Variants in FSTL5 observed in about 807,000 individuals in gnomAD.
The protein encoded by FSTL5 is follistatin-related protein 5.
FSTL5 carries 62 observed loss-of-function variants against 89.1 expected under a neutral mutation model. That is an observed-to-expected ratio of 0.70 (90% confidence interval 0.57 to 0.86). FSTL5 has a LOEUF of 0.86. Ranked by LOEUF, FSTL5 falls within the 40% of genes least tolerant of loss-of-function variation. The pLI is 0.00. For synonymous variants in FSTL5, 383 were observed against 346.2 expected (o/e 1.11, Z -1.18); for missense variants, 1,057 against 1,001.6 (o/e 1.06, Z -0.75).
chr4:162,077,912 C>T (rs902874877), intron 2 of FSTL5, among the ~76,000 whole-genome samples: 2 of 151,842 alleles, frequency 1.3e-5, no homozygotes, highest in South Asian at 2.1e-4. Flanking sequence ...AATAGATTCA[C>T]CTTTAGCTAC....
At chr4:161,826,735 G>A (rs564452189) in intron 4 of FSTL5, among the ~76,000 whole-genome samples, 2 of 152,242 alleles carry the variant, frequency 1.3e-5, no homozygotes, top group African/African-American at 4.8e-5. Context: ...GTGTCCATCT[G>A]CATAGACTAT....
intron 11 of FSTL5, among the ~76,000 whole-genome samples, chr4:161,508,996 G>A (rs866526577): frequency 6.6e-6 from 1 of 152,148 alleles, no homozygotes; most frequent in Non-Finnish European, 1.5e-5. Flanking sequence ...ATCTTGCCCA[G>A]AGAGAAGACA....
At chr4:161,884,751 A>G (rs1732745837) in intron 4 of FSTL5, among the ~76,000 whole-genome samples, 1 of 152,208 alleles carries the variant, frequency 6.6e-6, no homozygotes, top group Non-Finnish European at 1.5e-5. Flanking sequence ...TTTGTCAAAG[A>G]TAGTGATAAA....
intron 3 of FSTL5, among the ~76,000 whole-genome samples, chr4:161,921,500 C>T (rs1003622521): frequency 6.6e-6 from 1 of 151,962 alleles, no homozygotes; most frequent in Admixed American, 6.6e-5. Flanking sequence ...TATACATATG[C>T]ACATAGATAC....
intron 7 of FSTL5, among the ~76,000 whole-genome samples, chr4:161,647,946 C>T (rs1390026556): frequency 6.6e-6 from 1 of 152,078 alleles, no homozygotes; most frequent in African/African-American, 2.4e-5. Context: ...GGCACCAGCA[C>T]ACTAGCAGCC....
intron 6 of FSTL5, among the ~76,000 whole-genome samples, chr4:161,693,381 A>G (rs748184340): frequency 6.6e-6 from 1 of 152,088 alleles, no homozygotes; most frequent in Non-Finnish European, 1.5e-5. Flanking sequence ...TGGTGATAAT[A>G]TTTCTTTTAA....
intron 4 of FSTL5, among the ~76,000 whole-genome samples, chr4:161,857,507 T>A (rs903062395): frequency 6.6e-6 from 1 of 152,184 alleles, no homozygotes; most frequent in Non-Finnish European, 1.5e-5. Flanking sequence ...AACTCATCAC[T>A]CAGTCTTTTC....
intron 2 of FSTL5, among the ~76,000 whole-genome samples, chr4:162,076,175 G>T (rs1284479980): frequency 6.6e-6 from 1 of 151,858 alleles, no homozygotes; most frequent in Non-Finnish European, 1.5e-5. Context: ...GTAAAAGTCT[G>T]AGGCCACAAC....
At chr4:162,005,019 T>C (rs10031756) in intron 3 of FSTL5, among the ~76,000 whole-genome samples, 33,892 of 152,122 alleles carry the variant, frequency 0.22, 4,047 homozygotes, top group East Asian at 0.43. Context: ...TTGTAAACTC[T>C]TTAAAATAGC....
chr4:161,858,937 C>A (rs928402518), intron 4 of FSTL5, among the ~76,000 whole-genome samples: 1 of 152,106 alleles, frequency 6.6e-6, no homozygotes, highest in Admixed American at 6.6e-5. Context: ...AAAAAAAAAT[C>A]TCATATAAGT....
chr4:161,843,051 T>G (rs1731260531), intron 4 of FSTL5, among the ~76,000 whole-genome samples: 1 of 152,172 alleles, frequency 6.6e-6, no homozygotes, highest in African/African-American at 2.4e-5. Context: ...GACCTGTTCT[T>G]TATTGTTTGC....
Position 161,657,020 on chromosome 4 carries a change from C to A in FSTL5, c.728-526G>T, listed in dbSNP as rs114848710. On this transcript the variant is annotated intron_variant, in intron 6 of 15. Transcript: ENST00000306100. ...GACCAAACAGCAATTAAGTAAAATT[C>A]CATCAGCTGTCTTTACCAGATCGCA... 8.4e-3 allele frequency among the ~76,000 whole-genome samples: 1,277 copies of A among 152,276 alleles called. 14 individuals are homozygous for A. The highest frequency in any genetic ancestry group is 0.014 in the Non-Finnish European group (940 of 68,028).
Position 161,512,291 on chromosome 4 carries a change from C to T in FSTL5, c.1313-1867G>A, listed in dbSNP as rs548013591. On this transcript the variant is annotated intron_variant, in intron 10 of 15. Transcript: ENST00000306100. ...GTACCTAACATGTGTTAGATGTATT[C>T]AGCACTCACATACACAGGTTAGAAC... 4.2e-4 allele frequency among the ~76,000 whole-genome samples: 64 copies of T among 152,164 alleles called. 1 individual carries two copies. The highest frequency in any genetic ancestry group is 1.4e-3 in the African/African-American group (60 of 41,534).
intron 15 of FSTL5, among the ~76,000 whole-genome samples, chr4:161,392,743 T>A (rs751779382): frequency 6.6e-6 from 1 of 152,174 alleles, no homozygotes; most frequent in Non-Finnish European, 1.5e-5. Context: ...TTCTGATTAA[T>A]GTGTGTTTTA....
intron 3 of FSTL5, among the ~76,000 whole-genome samples, chr4:161,926,142 A>C (rs1481692372): frequency 6.6e-6 from 1 of 151,892 alleles, no homozygotes; most frequent in African/African-American, 2.4e-5. Context: ...GAATGCCCAC[A>C]GAAGATTGAG....
intron 4 of FSTL5, among the ~76,000 whole-genome samples, chr4:161,786,402 G>A (rs1446316256): frequency 6.6e-6 from 1 of 152,032 alleles, no homozygotes; most frequent in South Asian, 2.1e-4. Flanking sequence ...GATGTAACCT[G>A]CAGAAAGCCA....
chr4:161,641,729 A>T (rs1373287238), intron 7 of FSTL5, among the ~76,000 whole-genome samples: 3 of 152,166 alleles, frequency 2.0e-5, no homozygotes, highest in Admixed American at 1.3e-4. Flanking sequence ...TGACCTCGTT[A>T]TCTGCCCGCC....
rs756892646 is a variant in FSTL5, at chr4:161,385,958, A to T, written c.2333T>A (p.Met778Lys). ...FVELSSGKVK[M>K]IKSLKEPLKA... ...GAGTGGTTCCTTGAGACTCTTTATC[A>T]TCTTGACCTTCCCAGAAGAGAGCTC... The change falls in exon 16 of 16, where the codon ATG (methionine) becomes AAG (lysine). Residue 778 changes from methionine (M) to lysine (K), a missense_variant. Transcript: ENST00000306100. The T allele has an allele frequency of 3.1e-6, 5 of 1,613,780 alleles. No individual in the cohort carries two copies. The African/African-American group carries it at 6.7e-5, about 22-fold the overall frequency.
rs1554003955 is a variant in FSTL5 at position 162,153,661 on chromosome 4, A to AATATATGTATATATGTATATAATAAT, written c.-17+9953_-17+9954insATTATTATATACATATATACATATAT. 3.8e-5 allele frequency among the ~76,000 whole-genome samples: 3 copies of AATATATGTATATATGTATATAATAAT among 79,092 alleles called. No homozygotes were observed. The Admixed American group carries it at 5.1e-4, about 13-fold the overall frequency. The allele number at this position is 79,092 out of a possible 152,430, so 51.9% of individuals were successfully genotyped here. ...ATATATGTATATTATATATGTATAT[A>AATATATGTATATATGTATATAATAAT]ATATATGTATATTATATATGTATAT... is the stretch of plus-strand genomic sequence containing the variant. On this transcript the variant is annotated intron_variant, in intron 1 of 15. Transcript: ENST00000306100.
Sources: gnomAD v4.1 joint callset for allele counts (sites outside exome capture counted in the v4.1 genomes callset) on GRCh38, gnomAD v4.1.1 for gene constraint, MANE v1.5 for transcripts, NCBI Gene and HGNC (gene_info 2026-07-23, HGNC 2026-07-21) for gene names.